USF1: variants seen among roughly 807,000 people sequenced by gnomAD.
USF1 encodes the protein upstream stimulatory factor 1.
Under a neutral mutation model 46.3 loss-of-function variants are expected in USF1, and 22 were observed. That is an observed-to-expected ratio of 0.47 (90% CI 0.34 to 0.68). USF1 has a LOEUF of 0.68. USF1 is among the 30% of genes least tolerant of loss of function. The pLI, the probability that USF1 is intolerant of heterozygous loss-of-function variation, is 0.01. For synonymous variants in USF1, 150 were observed against 147.0 expected (o/e 1.02, Z -0.15); for missense variants, 287 against 399.3 (o/e 0.72, Z 2.40).
At chr1:161,044,296 A>T (rs1013346430) in intron 1 of USF1, among the ~76,000 whole-genome samples, 1 of 152,232 alleles carries the variant, frequency 6.6e-6, no homozygotes, top group Non-Finnish European at 1.5e-5. Context: ...CCATGATGGC[A>T]GCTTCATGGG....
chr1:161,042,477 C>T, intron 4 of USF1, 78 bp downstream of exon 4: 3 of 1,503,414 alleles, frequency 2.0e-6, no homozygotes, highest in Non-Finnish European at 2.7e-6. Flanking sequence ...CAAGCCAGGT[C>T]TCCCCAAGAC....
rs147573079 is a variant in USF1 at position 161,039,365 on chromosome 1, T to A, written c.*555A>T. 1,744 of 160,360 alleles carry A rather than the reference T, an allele frequency of 0.011. 33 individuals are homozygous for A. The highest frequency in any genetic ancestry group is 0.08 in the South Asian group (397 of 4,938). The allele number at this position is 160,360 out of a possible 1,614,324, so 9.9% of individuals were successfully genotyped here. A position where few individuals can be genotyped will look rare whatever the true frequency, so the allele number is the denominator to read the frequency against. On this transcript the variant is annotated 3_prime_UTR_variant, in exon 11 of 11. Coordinates refer to ENST00000368021, the MANE Select transcript of USF1 (RefSeq NM_007122.5). Reference sequence around the variant, plus strand: ...CCCCAAGTGGGCCCCTGCCTGTTGTTCTCTCTGGCTCCAGAGATGTCTGCA... The same window carrying A: ...CCCCAAGTGGGCCCCTGCCTGTTGTACTCTCTGGCTCCAGAGATGTCTGCA...
intron 4 of USF1, 112 bp from the exon 5 acceptor site, chr1:161,042,329 C>A: frequency 8.5e-7 from 1 of 1,179,068 alleles, no homozygotes; most frequent in Admixed American, 2.5e-5. Flanking sequence ...AAACAAAGTC[C>A]TTCAGAGACA....
rs1472310875 is a variant in USF1 at position 161,040,130 on chromosome 1, A to C, written c.843+72T>G. The stretch of plus-strand genomic sequence containing the variant: ...GATGAAGCCTTCTCCATGGAGAACA[A>C]AGTAGAGGGTGTCAAACTGGGTCAG... On this transcript the variant is annotated intron_variant, in intron 10 of 10. Transcript: ENST00000368021. The surrounding 1 kb of genome is among the most constrained non-coding windows in gnomAD (Gnocchi z 4.0). 1 of 1,610,222 alleles carries C rather than the reference A, an allele frequency of 6.2e-7. No homozygotes were observed. The highest frequency in any genetic ancestry group is 8.5e-7 in the Non-Finnish European group (1 of 1,177,362).
Position 161,040,029 on chromosome 1 carries a change from G to C in USF1, c.844-20C>G. 3 of 1,614,108 alleles carry C rather than the reference G, an allele frequency of 1.9e-6. No homozygotes were observed. Among genetic ancestry groups the C allele is most frequent in the Non-Finnish European group, 2.5e-6 (3 of 1,179,966 alleles). On this transcript the variant is annotated intron_variant, in intron 10 of 10. Transcript: ENST00000368021. The surrounding 1 kb of genome is among the most constrained non-coding windows in gnomAD (Gnocchi z 4.0). ...TTCCACCTGACATGGGAAGGAGGCA[G>C]TAAAGGGAATGGGTAGTAAAGCTGG...
Position 161,042,129 on chromosome 1 carries a change from T to G in USF1, c.263A>C (p.Gln88Pro), listed in dbSNP as rs552754157. 1.2e-6 allele frequency: 2 copies of G among 1,613,626 alleles called. No individual in the cohort carries two copies. Among genetic ancestry groups the G allele is most frequent in the African/African-American group, 2.7e-5 (2 of 75,020 alleles). The change falls in exon 5 of 11, where the codon CAA becomes CCA. Residue 88 changes from glutamine (Q) to proline (P), a missense_variant. Gln to Pro is a moderately conservative substitution (Grantham distance 76). Coordinates refer to ENST00000368021, the MANE Select transcript of USF1 (RefSeq NM_007122.5). The stretch of plus-strand genomic sequence containing the variant: ...CATACCCTGTACCTGGGTCATGGAT[T>G]GAGTGGCAGGGTAGCCACTGATGGC... ...TGAISGYPAT[Q>P]SMTQAVIQGA...
Position 161,040,163 on chromosome 1 carries a change from C to A in USF1, c.843+39G>T, listed in dbSNP as rs748053754. 5.6e-6 allele frequency: 9 copies of A among 1,612,128 alleles called. No individual in the cohort carries two copies. In the South Asian group the frequency reaches 7.7e-5, roughly 14 times the overall value. ...GGTGTCAAACTGGGTCAGTGGCTAG[C>A]AGAACTGAGAAGGGCTGCACTGGGG... On this transcript the variant is annotated intron_variant, in intron 10 of 10. Coordinates refer to ENST00000368021, the MANE Select transcript of USF1 (RefSeq NM_007122.5). This position sits in a 1 kb window ranked among gnomAD's most constrained non-coding sequence, Gnocchi z 4.0.
chr1:161,043,871 C>A (rs1650684889), intron 1 of USF1, among the ~76,000 whole-genome samples: 1 of 150,966 alleles, frequency 6.6e-6, no homozygotes, highest in African/African-American at 2.4e-5. Flanking sequence ...ATCTGTCCAC[C>A]TCGGCAGCCT....
intron 7 of USF1, 52 bp downstream of exon 7, chr1:161,041,272 A>AC: frequency 7.3e-7 from 1 of 1,374,482 alleles, no homozygotes. Flanking sequence ...AAAAAAAAAA[A>AC]AAAAAAAAAA....
chr1:161,040,187 G>A lies in USF1; in HGVS notation c.843+15C>T, dbSNP rs775738467. 1 of 1,613,868 alleles carries A rather than the reference G, an allele frequency of 6.2e-7. No homozygotes were observed. The highest frequency in any genetic ancestry group is 8.5e-7 in the Non-Finnish European group (1 of 1,179,940). ...GCAGAACTGAGAAGGGCTGCACTGG[G>A]GGTAGGAGTCTGACCTGTTGTCGAA... On this transcript the variant is annotated intron_variant, in intron 10 of 10. Coordinates refer to ENST00000368021, the MANE Select transcript of USF1 (RefSeq NM_007122.5). This position sits in a 1 kb window ranked among gnomAD's most constrained non-coding sequence, Gnocchi z 4.0.
intron 1 of USF1, among the ~76,000 whole-genome samples, chr1:161,044,288 A>G (rs895065592): frequency 1.3e-4 from 20 of 152,216 alleles, no homozygotes. Context: ...ATGACCTGCC[A>G]TGATGGCAGC....
At chr1:161,043,575 C>T (rs1650665883) in intron 1 of USF1, among the ~76,000 whole-genome samples, 1 of 151,958 alleles carries the variant, frequency 6.6e-6, no homozygotes, top group African/African-American at 2.4e-5. Flanking sequence ...ATCACTCCAA[C>T]TCCTGGTGGA....
rs573818257 is a variant in USF1, at chr1:161,039,309, A to C, written c.*611T>G. 94 of 169,110 alleles carry C rather than the reference A, an allele frequency of 5.6e-4. No individual in the cohort carries two copies. The highest frequency in any genetic ancestry group is 2.1e-3 in the African/African-American group (88 of 42,002). The allele number at this position is 169,110 out of a possible 1,614,324, so 10.5% of individuals were successfully genotyped here. A position where few individuals can be genotyped will look rare whatever the true frequency, so the allele number is the denominator to read the frequency against. ...AAAAAAAAAAAAAAAAAGAAAAGAA[A>C]AAAAAAAAACGACCCCCACAAGGGG... On this transcript the variant is annotated 3_prime_UTR_variant, in exon 11 of 11. Transcript: ENST00000368021.
In USF1 at chr1:161,042,574, C is replaced by T. The variant is rs1458284901; in HGVS notation, c.155G>A (p.Arg52Gln). 2 of 1,614,042 alleles carry T rather than the reference C, an allele frequency of 1.2e-6. No individual in the cohort carries two copies. The highest frequency in any genetic ancestry group is 1.7e-5 in the Admixed American group (1 of 60,006). ...FPDPNVKYVFRTENGGQVMYR... is the reference protein window; with the variant it reads ...FPDPNVKYVFQTENGGQVMYR... ...CCTTACCTGGCCCCCATTCTCAGTTCGGAAGACGTACTTGACGTTGGGGTC... is the reference window on the plus strand; with the variant it reads ...CCTTACCTGGCCCCCATTCTCAGTTTGGAAGACGTACTTGACGTTGGGGTC... Residue 52 changes from arginine (R) to glutamine (Q), a missense_variant, in exon 4 of 11, where the codon CGA (arginine) becomes CAA (glutamine). By Grantham distance (43) the Arg-to-Gln change is conservative. Coordinates refer to ENST00000368021, the MANE Select transcript of USF1 (RefSeq NM_007122.5).
intron 1 of USF1, among the ~76,000 whole-genome samples, chr1:161,045,530 C>T (rs1268972594): frequency 6.6e-6 from 1 of 152,234 alleles, no homozygotes; most frequent in Non-Finnish European, 1.5e-5. Context: ...GACCCCGCAG[C>T]CCCGCAGTCT....
chr1:161,043,189 A>C, intron 2 of USF1, 79 bp downstream of exon 2: 1 of 1,611,568 alleles, frequency 6.2e-7, no homozygotes, highest in Non-Finnish European at 8.5e-7. Context: ...GCCTGACTCC[A>C]GAGGCAGTGC....
Position 161,040,919 on chromosome 1 carries a change from G to C in USF1, c.561-47C>G, listed in dbSNP as rs772884041. The C allele has an allele frequency of 3.1e-6, 5 of 1,611,798 alleles. No individual in the cohort carries two copies. The highest frequency in any genetic ancestry group is 4.2e-6 in the Non-Finnish European group (5 of 1,178,464). On this transcript the variant is annotated intron_variant, in intron 7 of 10. Transcript: ENST00000368021. The surrounding 1 kb of genome is among the most constrained non-coding windows in gnomAD (Gnocchi z 4.0). Reference sequence around the variant, plus strand: ...GCCAGAGTAAGAAGACAAAATACATGATTGAAGTTTGGGGTTAAGGAATTA... The same window carrying C: ...GCCAGAGTAAGAAGACAAAATACATCATTGAAGTTTGGGGTTAAGGAATTA...
In USF1 at chr1:161,043,253, C is replaced by T; in HGVS notation, c.8+15G>A. The T allele has an allele frequency of 6.2e-7, 1 of 1,614,168 alleles. No homozygotes were observed. The highest frequency in any genetic ancestry group is 8.5e-7 in the Non-Finnish European group (1 of 1,180,016). ...ACCCATCTTTCATCCCAGACCCTAC[C>T]TCTTCTTCACTCACCCCTTCATCTC... On this transcript the variant is annotated intron_variant, in intron 2 of 10. Transcript: ENST00000368021.
chr1:161,043,331 C>A lies in USF1; in HGVS notation c.-56G>T. The A allele has an allele frequency of 1.2e-6, 2 of 1,613,610 alleles. No homozygotes were observed. The highest frequency in any genetic ancestry group is 2.2e-5 in the South Asian group (2 of 91,022). ...GGTCCTTTTTTGGAGGTCTTTGTAT[C>A]TCCTGATTCACAGGCCTGAGTGCTA... is the stretch of plus-strand genomic sequence containing the variant. On this transcript the variant is annotated 5_prime_UTR_variant, in exon 2 of 11. Coordinates refer to ENST00000368021, the MANE Select transcript of USF1 (RefSeq NM_007122.5).
Sources: gnomAD v4.1 joint callset for allele counts (sites outside exome capture counted in the v4.1 genomes callset) on GRCh38, gnomAD v4.1.1 for gene constraint, Gnocchi (gnomAD v3.1) non-coding constraint, MANE v1.5 for transcripts, NCBI Gene and HGNC (gene_info 2026-07-23, HGNC 2026-07-21) for gene names.